ANK1: variants seen among roughly 807,000 people sequenced by gnomAD.
The protein encoded by ANK1 is ankyrin 1.
In ANK1, 51 loss-of-function variants were observed where a neutral mutation model predicts 210.4. That is an observed-to-expected ratio of 0.24 (90% CI 0.19 to 0.31). The LOEUF (loss-of-function observed/expected upper bound fraction) is 0.31, where lower values mean the gene tolerates loss of function less well. Ranked by LOEUF, ANK1 falls within the 10% of genes least tolerant of loss-of-function variation. ANK1 has a pLI of 1.00. For synonymous variants in ANK1, 967 were observed against 1,025.9 expected (o/e 0.94, Z 1.10); for missense variants, 2,051 against 2,504.4 (o/e 0.82, Z 3.86).
rs905995926 is a variant in ANK1 at position 41,677,781 on chromosome 8, A to C, written c.4538-4869T>G. 4.6e-5 allele frequency among the ~76,000 whole-genome samples: 7 copies of C among 151,772 alleles called. 1 individual carries two copies. The highest frequency in any genetic ancestry group is 1.7e-4 in the African/African-American group (7 of 41,326). Reference sequence around the variant, plus strand: ...ATTTTTGTATTTTTTGTAGAGATGGAGTTTCACCCTGTTGCCCAGGCTGGT... The same window carrying C: ...ATTTTTGTATTTTTTGTAGAGATGGCGTTTCACCCTGTTGCCCAGGCTGGT... On this transcript the variant is annotated intron_variant, in intron 37 of 42. Coordinates refer to ENST00000289734, the MANE Select transcript of ANK1 (RefSeq NM_000037.4).
chr8:41,702,849 TC>T (rs1823238873), intron 20 of ANK1, among the ~76,000 whole-genome samples: 1 of 152,016 alleles, frequency 6.6e-6, no homozygotes, highest in Admixed American at 6.5e-5. Context: ...GAGACAGAGT[TC>T]ACTCTGTCAC....
chr8:41,760,656 A>G (rs1840178140), intron 1 of ANK1, among the ~76,000 whole-genome samples: 1 of 152,194 alleles, frequency 6.6e-6, no homozygotes, highest in African/African-American at 2.4e-5. Flanking sequence ...GTACTTAGAC[A>G]CCGTTGGCTT....
intron 1 of ANK1, among the ~76,000 whole-genome samples, chr8:41,887,283 C>T (rs1201442594): frequency 1.9e-5 from 2 of 107,100 alleles, no homozygotes; most frequent in Non-Finnish European, 3.4e-5. Context: ...GAGTCTCATT[C>T]TGTCACCCAA....
intron 1 of ANK1, among the ~76,000 whole-genome samples, chr8:41,787,277 C>T (rs186481132): frequency 2.0e-5 from 3 of 152,328 alleles, no homozygotes; most frequent in Non-Finnish European, 4.4e-5. Flanking sequence ...GGGAAAAGTC[C>T]ATTCTGGCTG....
At chr8:41,836,936 A>C (rs567015480) in intron 1 of ANK1, among the ~76,000 whole-genome samples, 5 of 151,918 alleles carry the variant, frequency 3.3e-5, no homozygotes, top group South Asian at 4.2e-4. Flanking sequence ...AAAAAAAAAA[A>C]AAAACAAAAG....
At chr8:41,656,093 G>A (rs1202405249) in intron 42 of ANK1, among the ~76,000 whole-genome samples, 4 of 152,256 alleles carry the variant, frequency 2.6e-5, no homozygotes, top group Admixed American at 6.5e-5. Flanking sequence ...AGAGGCCCCC[G>A]TGCCTACGTG....
At chr8:41,877,591 CTCA>C (rs1311529886) in intron 1 of ANK1, among the ~76,000 whole-genome samples, 14 of 152,368 alleles carry the variant, frequency 9.2e-5, no homozygotes, top group African/African-American at 3.4e-4. Flanking sequence ...AGCCACTGCT[CTCA>C]CAGAATTTAT....
rs375740738 is a variant in ANK1, at chr8:41,664,825, G to A, written c.5395-1083C>T. 18 of 1,610,036 alleles carry A rather than the reference G, an allele frequency of 1.1e-5. 1 individual carries two copies. The highest frequency in any genetic ancestry group is 4.4e-5 in the South Asian group (4 of 90,604). The stretch of plus-strand genomic sequence containing the variant: ...GTTACCTTCAGGAAGACCCGCCGCC[G>A]GACCACCCTGGTGGAGATGGTCTCC... On this transcript the variant is annotated intron_variant, in intron 39 of 42. Transcript: ENST00000289734.
upstream of ANK1, among the ~76,000 whole-genome samples, chr8:41,799,547 A>G (rs1849532838): frequency 6.6e-6 from 1 of 152,322 alleles, no homozygotes; most frequent in Admixed American, 6.5e-5. Flanking sequence ...ATATGAACAC[A>G]GAGTGTCACA....
intron 1 of ANK1, among the ~76,000 whole-genome samples, chr8:41,834,301 A>G (rs1807217278): frequency 6.6e-6 from 1 of 152,242 alleles, no homozygotes; most frequent in Admixed American, 6.5e-5. Context: ...ATGCCAGCAG[A>G]CTCGGGAGAA....
In ANK1 at chr8:41,704,362, G is replaced by T. The variant is rs1401721115; in HGVS notation, c.2196+12C>A. On this transcript the variant is annotated intron_variant, in intron 19 of 42. Coordinates refer to ENST00000289734, the MANE Select transcript of ANK1 (RefSeq NM_000037.4). This position sits in a 1 kb window ranked among gnomAD's most constrained non-coding sequence, Gnocchi z 4.1. ...GGTCAGTGCAGGAGTCGGGGCTGGG[G>T]CACCCCTGTACCTTGGTCTTGGCAT... 5.0e-6 allele frequency: 8 copies of T among 1,611,834 alleles called. No individual in the cohort carries two copies. The East Asian group carries it at 1.3e-4, about 27-fold the overall frequency.
At chr8:41,666,168 C>T (rs1810493108) in intron 39 of ANK1, among the ~76,000 whole-genome samples, 1 of 152,234 alleles carries the variant, frequency 6.6e-6, no homozygotes, top group African/African-American at 2.4e-5. Flanking sequence ...GTGCTCTCCC[C>T]ACCCTTTCTC....
chr8:41,851,731 C>A (rs980447440), intron 1 of ANK1, among the ~76,000 whole-genome samples: 1 of 152,204 alleles, frequency 6.6e-6, no homozygotes, highest in Non-Finnish European at 1.5e-5. Flanking sequence ...GTGGCATGCA[C>A]CTGTAGTCCC....
intron 9 of ANK1, among the ~76,000 whole-genome samples, chr8:41,722,080 T>C (rs117541568): frequency 0.01 from 1,565 of 152,340 alleles, 11 homozygotes; most frequent in Non-Finnish European, 0.016. Flanking sequence ...TTGAAGACAT[T>C]ATCTCACATG....
chr8:41,880,860 C>T (rs769589749), intron 1 of ANK1, among the ~76,000 whole-genome samples: 1 of 152,232 alleles, frequency 6.6e-6, no homozygotes, highest in Non-Finnish European at 1.5e-5. Context: ...TGCAGATGGC[C>T]ACCTCCCATT....
intron 2 of ANK1, among the ~76,000 whole-genome samples, chr8:41,742,441 C>T (rs1449836149): frequency 1.3e-5 from 2 of 152,238 alleles, no homozygotes; most frequent in Non-Finnish European, 2.9e-5. Context: ...GTTTATTTCA[C>T]CCGTGCACAA....
chr8:41,848,059 C>T (rs1347949611), intron 1 of ANK1, among the ~76,000 whole-genome samples: 1 of 151,926 alleles, frequency 6.6e-6, no homozygotes, highest in Non-Finnish European at 1.5e-5. Context: ...ATGGTGTGCA[C>T]CTGTAATCTC....
Position 41,717,717 on chromosome 8 carries a change from G to A in ANK1, c.1207-15C>T, listed in dbSNP as rs1828099096. The A allele has an allele frequency of 1.3e-6, 2 of 1,546,206 alleles. No homozygotes were observed. The highest frequency in any genetic ancestry group is 4.9e-5 in the East Asian group (2 of 40,904). On this transcript the variant is annotated splice_polypyrimidine_tract_variant and intron_variant, in intron 11 of 42. Transcript: ENST00000289734. ...GTCAGGCCAGACTGAAACAGACAAA[G>A]GCAGAGTCCGATAAGTGGGAGTCTT...
At chr8:41,854,902 T>C (rs1451595073) in intron 1 of ANK1, among the ~76,000 whole-genome samples, 1 of 150,866 alleles carries the variant, frequency 6.6e-6, no homozygotes, top group Non-Finnish European at 1.5e-5. Context: ...GAGCTATAAT[T>C]GCATCACTGC....
Sources: allele counts gnomAD v4.1 joint callset (sites outside exome capture counted in the v4.1 genomes callset), GRCh38; gene constraint gnomAD v4.1.1; non-coding constraint Gnocchi (gnomAD v3.1); transcripts MANE v1.5; gene names NCBI Gene and HGNC (gene_info 2026-07-23, HGNC 2026-07-21).